The following DHRS12 variants were observed in gnomAD, a reference collection of about 807,000 sequenced individuals.
DHRS12 encodes the protein dehydrogenase/reductase 12, also known as dehydrogenase/reductase SDR family member 12.
A neutral mutation model predicts 32.1 loss-of-function variants in DHRS12; 29 were observed. That is an observed-to-expected ratio of 0.90 (90% CI 0.67 to 1.23). The LOEUF (loss-of-function observed/expected upper bound fraction) is 1.23. DHRS12 is among the 50% of genes most tolerant of loss of function. The probability of loss-of-function intolerance (pLI) is 0.00; values close to 1 mark genes in which losing one functional copy is unlikely to be tolerated. For missense variants in DHRS12, 330 were observed against 337.2 expected, an observed-to-expected ratio of 0.98 and a Z score of 0.17; for synonymous variants, 150 against 135.9, an observed-to-expected ratio of 1.10 and a Z score of -0.72.
At chr13:51,779,078 A>G (rs1954580796) in intron 4 of DHRS12, among the ~76,000 whole-genome samples, 1 of 152,146 alleles carries the variant, frequency 6.6e-6, no homozygotes, top group South Asian at 2.1e-4. Flanking sequence ...TCACGTAGCC[A>G]TGCTGCATGC....
chr13:51,803,729 G>A (rs950529099), intron 1 of DHRS12: 39 of 235,782 alleles, frequency 1.7e-4, no homozygotes, highest in Non-Finnish European at 4.1e-5. Context: ...AGCACACCCA[G>A]CGGGGCGCCG....
rs750194424 is a variant in DHRS12, at chr13:51,771,484, G to C, written c.559+337C>G. 1.9e-6 allele frequency: 3 copies of C among 1,613,998 alleles called. No homozygotes were observed. In the African/African-American group the frequency reaches 4.0e-5, roughly 22 times the overall value. On this transcript the variant is annotated intron_variant, in intron 7 of 8. Coordinates refer to ENST00000444610, the MANE Select transcript of DHRS12 (RefSeq NM_001377533.1). ...TCTCCCACTACCTTCCTCAGCTCCT[G>C]CTCATTCCTGTCTGACGTGGAAATG... is the stretch of plus-strand genomic sequence containing the variant.
At chr13:51,775,885 G>A (rs1954327285) in intron 5 of DHRS12, 1 of 143,480 alleles carries the variant, frequency 7.0e-6, no homozygotes, top group Non-Finnish European at 1.5e-5. Flanking sequence ...TCTCCTACAT[G>A]TATTCTACAG....
At chr13:51,759,803 C>T in the DHRS12 span, 1 of 1,609,872 alleles carries the variant, frequency 6.2e-7, no homozygotes, top group Non-Finnish European at 8.5e-7. Flanking sequence ...ATAGTATTTA[C>T]TAAAGAAACG....
the DHRS12 span, among the ~76,000 whole-genome samples, chr13:51,754,986 G>C: frequency 1.3e-5 from 2 of 152,074 alleles, no homozygotes; most frequent in Non-Finnish European, 2.9e-5. Context: ...CCCCATCTGT[G>C]CTCCAGCCAT....
intron 4 of DHRS12, among the ~76,000 whole-genome samples, chr13:51,786,132 C>T (rs1374782419): frequency 6.6e-6 from 1 of 152,222 alleles, no homozygotes. Flanking sequence ...TGTCTCACGA[C>T]GTACATCCTT....
rs138936155 is a variant in DHRS12, at chr13:51,790,076, C to A, written c.236G>T (p.Cys79Phe). ...TGTGAGCTCTCTTTTATTGACCATG[C>A]AACCTGCATTATTGATCTAAAATTT... ...KLHVLINNAG[C>F]MVNKRELTED... Residue 79 changes from cysteine to phenylalanine, a missense_variant, in exon 4 of 9, where the codon TGC becomes TTC. Cys to Phe is a radical substitution (Grantham distance 205). Transcript: ENST00000444610. 8 of 1,593,812 alleles carry A rather than the reference C, an allele frequency of 5.0e-6. No homozygotes were observed. The highest frequency in any genetic ancestry group is 6.8e-6 in the Non-Finnish European group (8 of 1,173,562).
chr13:51,799,704 G>A (rs753546847), intron 1 of DHRS12, 37 bp from the exon 2 acceptor site: 1 of 1,607,996 alleles, frequency 6.2e-7, no homozygotes, highest in Non-Finnish European at 8.5e-7. Flanking sequence ...CCAGCTGTAA[G>A]GAGTGGGGAA....
At chr13:51,769,359 AATTT>A (rs1310117119) in intron 7 of DHRS12, 66 bp from the exon 8 acceptor site, 1 of 1,222,488 alleles carries the variant, frequency 8.2e-7, no homozygotes, top group Admixed American at 3.6e-5. Context: ...GACTTCCCTT[AATTT>A]AAAAAAAAAA....
chr13:51,793,731 A>G (rs1955387219), intron 2 of DHRS12, among the ~76,000 whole-genome samples: 1 of 152,210 alleles, frequency 6.6e-6, no homozygotes, highest in South Asian at 2.1e-4. Flanking sequence ...AATGACTGCA[A>G]ACTGAGTCTA....
chr13:51,773,031 G>A (rs1253334486), intron 6 of DHRS12: 59 of 985,318 alleles, frequency 6.0e-5, no homozygotes, highest in Non-Finnish European at 7.0e-5. Context: ...CAATGTGGGC[G>A]CCCTAGCGGG....
chr13:51,756,619 AG>A, the DHRS12 span: 8 of 985,382 alleles, frequency 8.1e-6, no homozygotes, highest in Non-Finnish European at 9.6e-6. Context: ...TGCCACCAAG[AG>A]ATTTGTGGTA....
chr13:51,789,505 T>C (rs946036743), intron 4 of DHRS12: 124 of 974,906 alleles, frequency 1.3e-4, no homozygotes, highest in Non-Finnish European at 1.5e-4. Flanking sequence ...TCCCAGGTGA[T>C]GCTGAGGCTG....
chr13:51,800,575 T>C (rs1309045540), intron 1 of DHRS12, among the ~76,000 whole-genome samples: 4 of 152,198 alleles, frequency 2.6e-5, no homozygotes, highest in Non-Finnish European at 5.9e-5. Context: ...CAATGCAGGA[T>C]GGGACTCTGA....
intron 4 of DHRS12, among the ~76,000 whole-genome samples, chr13:51,780,501 C>A (rs1487408912): frequency 1.3e-5 from 2 of 152,194 alleles, no homozygotes; most frequent in African/African-American, 4.8e-5. Flanking sequence ...AATTCATTAT[C>A]ATTATGACTC....
intron 1 of DHRS12, 44 bp from the exon 2 acceptor site, chr13:51,799,711 G>A: frequency 6.2e-7 from 1 of 1,604,478 alleles, no homozygotes; most frequent in Non-Finnish European, 8.5e-7. Flanking sequence ...TAAGGAGTGG[G>A]GAACACAAAC....
chr13:51,759,394 A>T, the DHRS12 span, among the ~76,000 whole-genome samples: 1 of 152,184 alleles, frequency 6.6e-6, no homozygotes, highest in East Asian at 1.9e-4. Flanking sequence ...GGCTCATCGA[A>T]TGCTGCCTCA....
chr13:51,757,004 A>G, the DHRS12 span, among the ~76,000 whole-genome samples: 8 of 152,178 alleles, frequency 5.3e-5, no homozygotes, highest in Non-Finnish European at 1.2e-4. Context: ...GGGCAAATCT[A>G]TGTTATCTCT....
At chr13:51,788,816 C>T (rs528384646) in intron 4 of DHRS12, among the ~76,000 whole-genome samples, 21 of 151,950 alleles carry the variant, frequency 1.4e-4, no homozygotes, top group African/African-American at 4.3e-4. Flanking sequence ...GCCATGATCA[C>T]GTCACTGCAC....
Sources: gnomAD v4.1 joint callset for allele counts (sites outside exome capture counted in the v4.1 genomes callset) on GRCh38, gnomAD v4.1.1 for gene constraint, MANE v1.5 for transcripts, NCBI Gene and HGNC (gene_info 2026-07-23, HGNC 2026-07-21) for gene names.